GNA14: variants seen among roughly 807,000 people sequenced by gnomAD.
GNA14 encodes G protein subunit alpha 14.
A neutral mutation model predicts 42.0 loss-of-function variants in GNA14; 50 were observed. The ratio of observed to expected loss-of-function variants is 1.19; its 90% CI spans 0.95 to 1.51. The LOEUF (loss-of-function observed/expected upper bound fraction) is 1.51. Ranked by LOEUF, GNA14 falls within the 40% of genes most tolerant of loss-of-function variation. GNA14 has a pLI of 0.00. For missense variants in GNA14, 473 were observed against 446.2 expected (o/e 1.06, Z -0.54); for synonymous variants, 173 against 163.1 (o/e 1.06, Z -0.46).
chr9:77,489,738 C>T (rs1782962341), intron 2 of GNA14, among the ~76,000 whole-genome samples: 1 of 151,904 alleles, frequency 6.6e-6, no homozygotes, highest in Non-Finnish European at 1.5e-5. Flanking sequence ...TGGAGTTGTT[C>T]ATTTCTCCCG....
chr9:77,434,339 C>A (rs746861563), intron 3 of GNA14, 29 bp downstream of exon 3: 5 of 1,587,184 alleles, frequency 3.2e-6, no homozygotes, highest in Non-Finnish European at 4.3e-6. Context: ...GAAAGCACCG[C>A]GGGCGGCCAG....
chr9:77,548,972 G>C (rs1837758007), intron 1 of GNA14, among the ~76,000 whole-genome samples: 1 of 150,158 alleles, frequency 6.7e-6, no homozygotes, highest in Non-Finnish European at 1.5e-5. Context: ...ACAGAGTCTT[G>C]CTCTATTGCC....
chr9:77,485,683 T>C (rs374925863), intron 2 of GNA14, among the ~76,000 whole-genome samples: 1 of 152,170 alleles, frequency 6.6e-6, no homozygotes, highest in Non-Finnish European at 1.5e-5. Flanking sequence ...TTCAGAACAA[T>C]GTTTTGTTAG....
At chr9:77,445,646 G>A (rs1198679599) in intron 2 of GNA14, among the ~76,000 whole-genome samples, 3 of 152,056 alleles carry the variant, frequency 2.0e-5, no homozygotes, top group Non-Finnish European at 2.9e-5. Context: ...GGCGACTGAG[G>A]CAGAAGGATC....
chr9:77,449,239 AG>A (rs770652071), intron 2 of GNA14, among the ~76,000 whole-genome samples: 2 of 152,332 alleles, frequency 1.3e-5, no homozygotes, highest in African/African-American at 2.4e-5. Context: ...TAAACCATAT[AG>A]GTTTGTGTAA....
intron 2 of GNA14, among the ~76,000 whole-genome samples, chr9:77,492,546 C>A (rs554627301): frequency 6.6e-6 from 1 of 152,136 alleles, no homozygotes; most frequent in Admixed American, 6.5e-5. Context: ...TACACTCCAA[C>A]AAATTGGAAA....
chr9:77,627,839 G>A (rs532142621), intron 1 of GNA14, among the ~76,000 whole-genome samples: 2 of 152,232 alleles, frequency 1.3e-5, no homozygotes, highest in South Asian at 4.1e-4. Context: ...GCCAAGACAA[G>A]GATACCCTCT....
intron 1 of GNA14, among the ~76,000 whole-genome samples, chr9:77,578,038 C>T (rs60136279): frequency 0.039 from 5,870 of 152,006 alleles, 388 homozygotes; most frequent in African/African-American, 0.13. Flanking sequence ...GAGGCTGAGG[C>T]GGGCAGATCA....
At chr9:77,588,819 C>G in intron 1 of GNA14, among the ~76,000 whole-genome samples, 1 of 152,214 alleles carries the variant, frequency 6.6e-6, no homozygotes, top group Admixed American at 6.5e-5. Flanking sequence ...TTTCTCTGTT[C>G]CACAAATATA....
intron 1 of GNA14, among the ~76,000 whole-genome samples, chr9:77,553,955 T>C (rs868294325): frequency 1.3e-5 from 2 of 152,300 alleles, no homozygotes; most frequent in South Asian, 4.1e-4. Context: ...AGAAAATCAA[T>C]GCAGATGAAT....
At chr9:77,514,919 T>G (rs1186774823) in intron 2 of GNA14, among the ~76,000 whole-genome samples, 1 of 152,134 alleles carries the variant, frequency 6.6e-6, no homozygotes, top group Non-Finnish European at 1.5e-5. Flanking sequence ...AGCCCAGATT[T>G]CTTATTTAAG....
chr9:77,525,705 A>AT lies in GNA14; in HGVS notation c.309+3363dup, dbSNP rs577409208. On this transcript the variant is annotated intron_variant, in intron 2 of 6. Transcript: ENST00000341700. ...AGGTACCCGCCAACACGCCCGGCTA[A>AT]TTTTTTTTATTTTTAGTAGAGACGG... Among the ~76,000 whole-genome samples, 468 of 151,120 alleles carry AT rather than the reference A, an allele frequency of 3.1e-3. 2 individuals carry two copies. The highest frequency in any genetic ancestry group is 0.011 in the African/African-American group (434 of 41,202).
Position 77,496,347 on chromosome 9 carries a change from T to C in GNA14, c.309+32722A>G, listed in dbSNP as rs141378352. ...AGCCAAGTTTTCACAGGACATAAAA[T>C]AGGAATTCTTTAACTCCTTGTTACT... On this transcript the variant is annotated intron_variant, in intron 2 of 6. Transcript: ENST00000341700. Among the ~76,000 whole-genome samples, 543 of 152,318 alleles carry C rather than the reference T, an allele frequency of 3.6e-3. 5 individuals carry two copies. Among genetic ancestry groups the C allele is most frequent in the African/African-American group, 0.013 (533 of 41,576 alleles).
chr9:77,441,966 A>C (rs1277502159), intron 2 of GNA14, among the ~76,000 whole-genome samples: 2 of 152,248 alleles, frequency 1.3e-5, no homozygotes, highest in African/African-American at 2.4e-5. Context: ...ATAAACAAGG[A>C]ACTTCTGCTT....
Position 77,554,239 on chromosome 9 carries a change from T to A in GNA14, c.125-24986A>T, listed in dbSNP as rs1446998882. On this transcript the variant is annotated intron_variant, in intron 1 of 6. Coordinates refer to ENST00000341700, the MANE Select transcript of GNA14 (RefSeq NM_004297.4). ...ACTTTCAGGTGAAGATGATTTGGAT[T>A]ATTTTTAAGCTTGCACACACATATA... Among the ~76,000 whole-genome samples the A allele has an allele frequency of 2.6e-5, 4 of 152,340 alleles. No individual in the cohort carries two copies. In the South Asian group the frequency reaches 8.3e-4, roughly 32 times the overall value.
intron 2 of GNA14, among the ~76,000 whole-genome samples, chr9:77,477,239 C>A (rs1408932862): frequency 6.6e-6 from 1 of 152,076 alleles, no homozygotes; most frequent in Non-Finnish European, 1.5e-5. Flanking sequence ...CACCAGTACT[C>A]AGGAGGCTGT....
intron 2 of GNA14, among the ~76,000 whole-genome samples, chr9:77,516,006 A>G: frequency 6.8e-6 from 1 of 147,460 alleles, no homozygotes. Flanking sequence ...AGAGACAGCC[A>G]TGTAACAGAG....
chr9:77,491,308 GAAT>G (rs1836771653), intron 2 of GNA14, among the ~76,000 whole-genome samples: 1 of 152,192 alleles, frequency 6.6e-6, no homozygotes, highest in South Asian at 2.1e-4. Flanking sequence ...GACAAATGCA[GAAT>G]AATACTGTAG....
At chr9:77,452,392 G>A (rs1235509197) in intron 2 of GNA14, among the ~76,000 whole-genome samples, 3 of 152,088 alleles carry the variant, frequency 2.0e-5, no homozygotes, top group East Asian at 1.9e-4. Flanking sequence ...GTCCAGCGAT[G>A]CCTTTATAAG....
Sources: allele counts gnomAD v4.1 joint callset (sites outside exome capture counted in the v4.1 genomes callset), GRCh38; gene constraint gnomAD v4.1.1; transcripts MANE v1.5; gene names NCBI Gene and HGNC (gene_info 2026-07-23, HGNC 2026-07-21).